The following AKAP9 variants were observed in gnomAD, a reference collection of about 807,000 sequenced individuals.
The protein encoded by AKAP9 is A-kinase anchoring protein 9.
Under a neutral mutation model 488.5 loss-of-function variants are expected in AKAP9, and 311 were observed. The ratio of observed to expected loss-of-function variants is 0.64; its 90% confidence interval spans 0.58 to 0.70. The LOEUF (loss-of-function observed/expected upper bound fraction) is 0.70. Ranked by LOEUF, AKAP9 falls within the 30% of genes least tolerant of loss-of-function variation. AKAP9 has a pLI of 0.00. For missense variants in AKAP9, 4,215 were observed against 4,374.5 expected, an observed-to-expected ratio of 0.96 and a Z score of 1.03; for synonymous variants, 1,462 against 1,483.5, an observed-to-expected ratio of 0.99 and a Z score of 0.33.
At chr7:92,073,259 G>T (rs564685901) in intron 28 of AKAP9, among the ~76,000 whole-genome samples, 72 of 152,166 alleles carry the variant, frequency 4.7e-4, no homozygotes, top group Non-Finnish European at 7.5e-4. Context: ...CACTTTGGGA[G>T]GCCGAGGTGG....
intron 22 of AKAP9, among the ~76,000 whole-genome samples, chr7:92,060,414 A>G (rs1186893535): frequency 5.3e-5 from 8 of 152,104 alleles, no homozygotes; most frequent in Admixed American, 5.2e-4. Flanking sequence ...ATTTTTTCCC[A>G]TGTAATTGTT....
Position 92,000,912 on chromosome 7 carries a change from A to C in AKAP9, c.995A>C (p.Glu332Ala). Residue 332 changes from glutamate to alanine, a missense_variant, in exon 8 of 50, where the codon GAA (glutamate) becomes GCA (alanine). Physicochemically the swap from Glu to Ala is moderately radical, Grantham distance 107. This residue lies in a region of AKAP9 where 2,361 missense variants were observed against 2,430.0 expected (regional missense o/e 0.97). Transcript: ENST00000356239. ...EEIQEKETIIEELNTKIIEEE... is the reference protein window; with the variant it reads ...EEIQEKETIIAELNTKIIEEE... ...ATACAGGAAAAGGAGACAATCATTG[A>C]AGAATTAAACACAAAAATAATAGAA... 1 of 1,456,526 alleles carries C rather than the reference A, an allele frequency of 6.9e-7. No individual in the cohort carries two copies. The highest frequency in any genetic ancestry group is 9.2e-7 in the Non-Finnish European group (1 of 1,084,212). 90.2% of individuals were successfully genotyped at this position (1,456,526 alleles called of 1,614,324 possible). A position where few individuals can be genotyped will look rare whatever the true frequency, so the allele number is the denominator to read the frequency against.
intron 13 of AKAP9, 26 bp from the exon 14 acceptor site, chr7:92,022,788 A>G: frequency 1.4e-6 from 2 of 1,450,820 alleles, no homozygotes; most frequent in East Asian, 4.5e-5. Flanking sequence ...TGAAATGTGC[A>G]TTTTTTGTCT....
chr7:92,096,694 G>A lies in AKAP9; in HGVS notation c.9735G>A (p.Leu3245=), dbSNP rs753546371. The part of the protein sequence containing the change: ...EERDKEELED[L]KFSLESQKQR... ...ATTTGATTTTCTCGTACCAGGATCT[G>A]AAGTTTTCACTTGAGAGTCAGAAAC... Residue 3245 remains leucine, a synonymous_variant, in exon 41 of 50, where the codon CTG becomes CTA. Transcript: ENST00000356239. 1.4e-5 allele frequency: 23 copies of A among 1,613,858 alleles called. No homozygotes were observed. Among genetic ancestry groups the A allele is most frequent in the Admixed American group, 6.7e-5 (4 of 60,012 alleles).
At chr7:92,071,824 T>G (rs937533562) in intron 28 of AKAP9, among the ~76,000 whole-genome samples, 7 of 152,204 alleles carry the variant, frequency 4.6e-5, no homozygotes, top group African/African-American at 1.7e-4. Flanking sequence ...AAACTATAGT[T>G]CAGAAAACCT....
At chr7:91,958,722 G>A (rs12530646) in intron 1 of AKAP9, among the ~76,000 whole-genome samples, 60,399 of 151,928 alleles carry the variant, frequency 0.4, 12,292 homozygotes, top group African/African-American at 0.45. Context: ...TAACCTGCAA[G>A]TAATGATTTT....
intron 14 of AKAP9, among the ~76,000 whole-genome samples, chr7:92,025,964 T>G (rs1157284818): frequency 6.6e-6 from 1 of 152,232 alleles, no homozygotes; most frequent in African/African-American, 2.4e-5. Context: ...ATGCTGGAAT[T>G]TAAACCCATG....
At chr7:92,003,510 TTGTATAACTTTATGG>T (rs1437721883) in intron 8 of AKAP9, among the ~76,000 whole-genome samples, 2 of 152,096 alleles carry the variant, frequency 1.3e-5, no homozygotes, top group African/African-American at 2.4e-5. Context: ...AGACAAGAGT[TTGTATAACTTTATGG>T]AGAATCTCAG....
chr7:91,993,509 C>G (rs1325633106), intron 5 of AKAP9, among the ~76,000 whole-genome samples: 1 of 151,808 alleles, frequency 6.6e-6, no homozygotes. Context: ...ACCTGTAGTT[C>G]TAGTTATTCA....
intron 41 of AKAP9, 76 bp downstream of exon 41, chr7:92,097,433 A>G (rs1330365163): frequency 1.5e-5 from 24 of 1,555,864 alleles, no homozygotes; most frequent in Non-Finnish European, 2.1e-5. Flanking sequence ...TTGATATTGG[A>G]TTAAATTACT....
chr7:92,095,256 C>T (rs1423526379), intron 40 of AKAP9, 83 bp downstream of exon 40: 9 of 1,451,848 alleles, frequency 6.2e-6, no homozygotes, highest in African/African-American at 4.2e-5. Flanking sequence ...TCTAAAATGT[C>T]AACCTTAGAC....
intron 14 of AKAP9, among the ~76,000 whole-genome samples, chr7:92,023,507 C>A (rs566014666): frequency 1.3e-5 from 2 of 152,252 alleles, no homozygotes; most frequent in East Asian, 1.9e-4. Flanking sequence ...TTCTCTTATA[C>A]CTCTCTTCTA....
Position 92,079,141 on chromosome 7 carries a change from T to A in AKAP9, c.7008T>A (p.Ser2336Arg), listed in dbSNP as rs1441048748. 6.2e-7 allele frequency: 1 copy of A among 1,613,380 alleles called. No homozygotes were observed. The highest frequency in any genetic ancestry group is 8.5e-7 in the Non-Finnish European group (1 of 1,179,766). ...DLETQIECLMSDQECVKRNRE... is the reference protein window; with the variant it reads ...DLETQIECLMRDQECVKRNRE... ...AAACCCAAATAGAATGTTTGATGAG[T>A]GATCAAGAATGTGTGAAGAGAAATA... Residue 2336 changes from serine to arginine, a missense_variant, in exon 31 of 50, where the codon AGT becomes AGA. Ser to Arg is a moderately radical substitution (Grantham distance 110). Coordinates refer to ENST00000356239, the MANE Select transcript of AKAP9 (RefSeq NM_005751.5).
chr7:92,105,816 TC>T (rs1285727050), intron 47 of AKAP9, 53 bp downstream of exon 47: 8 of 1,460,594 alleles, frequency 5.5e-6, no homozygotes, highest in Admixed American at 5.0e-5. Context: ...AAATCAGAGG[TC>T]CCCCACCCCC....
chr7:92,015,586 A>G (rs1304147471), intron 10 of AKAP9, among the ~76,000 whole-genome samples: 1 of 150,340 alleles, frequency 6.7e-6, no homozygotes, highest in East Asian at 2.0e-4. Flanking sequence ...CTGGTCTTGA[A>G]CTCCTGACCT....
In AKAP9 at chr7:92,002,040, C is replaced by G; in HGVS notation, c.2123C>G (p.Ser708Cys). ...TCAAAGCTAAAAGATTTACAGCAGT[C>G]TCTTGTAAATTCAAAGTCAGAAGAA... ...EISKLKDLQQ[S>C]LVNSKSEEMT... The change falls in exon 8 of 50, where the codon TCT (serine) becomes TGT (cysteine). Residue 708 changes from serine (S) to cysteine (C), a missense_variant. By Grantham distance (112) the Ser-to-Cys change is moderately radical. This residue lies in a region of AKAP9 where 2,361 missense variants were observed against 2,430.0 expected (regional missense o/e 0.97). Coordinates refer to ENST00000356239, the MANE Select transcript of AKAP9 (RefSeq NM_005751.5). 1 of 1,605,750 alleles carries G rather than the reference C, an allele frequency of 6.2e-7. No homozygotes were observed. The highest frequency in any genetic ancestry group is 8.5e-7 in the Non-Finnish European group (1 of 1,177,472).
At position 92,093,316 on chromosome 7, in the gene AKAP9, GGT is replaced by G; in HGVS notation, c.9578+4_9578+5del. 6.2e-7 allele frequency: 1 copy of G among 1,613,678 alleles called. No homozygotes were observed. Among genetic ancestry groups the G allele is most frequent in the Non-Finnish European group, 8.5e-7 (1 of 1,179,834 alleles). On this transcript the variant is annotated splice_donor_variant, in intron 39 of 49. Coordinates refer to ENST00000356239, the MANE Select transcript of AKAP9 (RefSeq NM_005751.5). LOFTEE classifies it high-confidence loss of function. Reference sequence around the variant, plus strand: ...CACCTAAAAGAATTGGAGGCTTTCAGGTGTGCCAGGCTTCCTTATTAAAAACA... The same window carrying G: ...CACCTAAAAGAATTGGAGGCTTTCAGGTGCCAGGCTTCCTTATTAAAAACA...
intron 21 of AKAP9, among the ~76,000 whole-genome samples, chr7:92,047,368 C>T (rs1359964847): frequency 6.6e-6 from 1 of 152,124 alleles, no homozygotes; most frequent in African/African-American, 2.4e-5. Flanking sequence ...AGGTGCCTGC[C>T]ACCATGCCTG....
At chr7:91,971,208 A>G (rs893534138) in intron 1 of AKAP9, among the ~76,000 whole-genome samples, 8 of 152,262 alleles carry the variant, frequency 5.3e-5, no homozygotes, top group African/African-American at 1.7e-4. Flanking sequence ...ATTTTTAAAT[A>G]GCCCGTCTTT....
Sources: allele counts gnomAD v4.1 joint callset (sites outside exome capture counted in the v4.1 genomes callset), GRCh38; gene constraint gnomAD v4.1.1; regional missense constraint gnomAD v4.1.1; transcripts MANE v1.5; gene names NCBI Gene and HGNC (gene_info 2026-07-23, HGNC 2026-07-21).